Variants in FGF12 observed in about 807,000 individuals in gnomAD.
FGF12 encodes the protein fibroblast growth factor 12, also known as fibroblast growth factor 12B.
A neutral mutation model predicts 23.6 loss-of-function variants in FGF12; 14 were observed. That is an observed-to-expected ratio of 0.59 (90% CI 0.39 to 0.93). The LOEUF (loss-of-function observed/expected upper bound fraction) is 0.93. Ranked by LOEUF, FGF12 falls within the 40% of genes least tolerant of loss-of-function variation. The pLI is 0.00. For synonymous variants in FGF12, 62 were observed against 77.3 expected, an observed-to-expected ratio of 0.80 and a Z score of 1.04; for missense variants, 175 against 217.8, an observed-to-expected ratio of 0.80 and a Z score of 1.24.
chr3:192,431,761 T>C (rs1451979679), intron 2 of FGF12, among the ~76,000 whole-genome samples: 1 of 152,184 alleles, frequency 6.6e-6, no homozygotes, highest in Non-Finnish European at 1.5e-5. Flanking sequence ...AGAAATGTTG[T>C]TGAAATACTA....
intron 5 of FGF12, 43 bp downstream of exon 5, chr3:192,170,414 CA>C: frequency 6.5e-7 from 1 of 1,541,032 alleles, no homozygotes; most frequent in Non-Finnish European, 8.9e-7. Flanking sequence ...TTGATGTCAA[CA>C]CACAGATAAG....
rs1458747636 is a variant in FGF12, at chr3:192,567,749, C to CTTTCTTTCTT, written c.13+159422_13+159431dup. Among the ~76,000 whole-genome samples the CTTTCTTTCTT allele has an allele frequency of 8.5e-4, 104 of 122,226 alleles. 1 individual carries two copies. The highest frequency in any genetic ancestry group is 3.0e-3 in the African/African-American group (101 of 33,656). 80.2% of individuals were successfully genotyped at this position (122,226 alleles called of 152,430 possible). A position where few individuals can be genotyped will look rare whatever the true frequency, so the allele number is the denominator to read the frequency against. ...TCTCCATGTGTCTCTTTCTTTCTTT[C>CTTTCTTTCTT]TTTCTTTCTTTCTTTCTTTCTTTCT... On this transcript the variant is annotated intron_variant, in intron 2 of 5. Transcript: ENST00000445105.
Position 192,409,892 on chromosome 3 carries a change from G to T in FGF12, c.14-49354C>A, listed in dbSNP as rs1240329148. Among the ~76,000 whole-genome samples, 2 of 151,712 alleles carry T rather than the reference G, an allele frequency of 1.3e-5. No individual in the cohort carries two copies. Among genetic ancestry groups the T allele is most frequent in the East Asian group, 3.9e-4 (2 of 5,068 alleles). On this transcript the variant is annotated intron_variant, in intron 2 of 5. Coordinates refer to ENST00000445105, the MANE Select transcript of FGF12 (RefSeq NM_004113.6). The surrounding 1 kb of genome is among the most constrained non-coding windows in gnomAD (Gnocchi z 4.8). ...GGTGGCCGCTCAGAGCCGCGGGCTTGCGGGGCGCCCCCCGCCGCCGCGCCG... is the reference window on the plus strand; with the variant it reads ...GGTGGCCGCTCAGAGCCGCGGGCTTTCGGGGCGCCCCCCGCCGCCGCGCCG...
intron 2 of FGF12, among the ~76,000 whole-genome samples, chr3:192,536,249 A>C (rs958240404): frequency 2.6e-5 from 4 of 152,198 alleles, no homozygotes; most frequent in African/African-American, 9.7e-5. Flanking sequence ...TGATTGTGAC[A>C]AAGGCTATAT....
chr3:192,367,899 C>T (rs1208228792), intron 2 of FGF12, among the ~76,000 whole-genome samples: 1 of 152,116 alleles, frequency 6.6e-6, no homozygotes, highest in Non-Finnish European at 1.5e-5. Context: ...TGCTGAGGGC[C>T]GTGAATCAAC....
chr3:192,726,997 T>A, intron 2 of FGF12, 184 bp downstream of exon 2: 1 of 694,738 alleles, frequency 1.4e-6, no homozygotes, highest in Non-Finnish European at 2.5e-6. Flanking sequence ...TCTTCCAAGC[T>A]GTGGGAGTTA....
intron 2 of FGF12, among the ~76,000 whole-genome samples, chr3:192,579,066 C>T (rs1439425761): frequency 6.6e-6 from 1 of 152,116 alleles, no homozygotes; most frequent in South Asian, 2.1e-4. Flanking sequence ...TAATGATTTT[C>T]ACTAGTTCTT....
chr3:192,690,704 C>T (rs925509314), intron 2 of FGF12, among the ~76,000 whole-genome samples: 1 of 151,332 alleles, frequency 6.6e-6, no homozygotes, highest in Non-Finnish European at 1.5e-5. Flanking sequence ...CCTTATCTAT[C>T]AATAATTACT....
At chr3:192,613,336 G>T (rs985068973) in intron 2 of FGF12, among the ~76,000 whole-genome samples, 3 of 151,762 alleles carry the variant, frequency 2.0e-5, no homozygotes, top group Non-Finnish European at 4.4e-5. Flanking sequence ...AGAGGAAATT[G>T]TAACAGACAA....
chr3:192,177,178 C>T lies in FGF12; in HGVS notation c.229-6522G>A, dbSNP rs116231691. 5.4e-3 allele frequency among the ~76,000 whole-genome samples: 830 copies of T among 152,294 alleles called. 8 individuals carry two copies. Among genetic ancestry groups the T allele is most frequent in the African/African-American group, 0.019 (806 of 41,572 alleles). ...ACAATTTTCTCCCTGACCTTTGGCA[C>T]GCCAGTTAACCTCTCTGAGCCTCAA... On this transcript the variant is annotated intron_variant, in intron 4 of 5. Coordinates refer to ENST00000445105, the MANE Select transcript of FGF12 (RefSeq NM_004113.6).
At chr3:192,562,052 A>G (rs192352345) in intron 2 of FGF12, among the ~76,000 whole-genome samples, 4 of 152,338 alleles carry the variant, frequency 2.6e-5, no homozygotes, top group African/African-American at 9.6e-5. Flanking sequence ...TACTTAGACA[A>G]TAGACCTTAT....
At chr3:192,681,923 A>C (rs977241947) in intron 2 of FGF12, among the ~76,000 whole-genome samples, 5 of 152,190 alleles carry the variant, frequency 3.3e-5, no homozygotes, top group African/African-American at 1.2e-4. Flanking sequence ...AAAAACACAC[A>C]TACAATGTTT....
intron 2 of FGF12, among the ~76,000 whole-genome samples, chr3:192,482,320 G>T (rs1356014597): frequency 6.6e-6 from 1 of 152,100 alleles, no homozygotes; most frequent in East Asian, 1.9e-4. Context: ...ACAGAGAAGA[G>T]AACAGGTACC....
At chr3:192,470,997 TTTA>T (rs1172672912) in intron 2 of FGF12, among the ~76,000 whole-genome samples, 18 of 152,140 alleles carry the variant, frequency 1.2e-4, no homozygotes, top group African/African-American at 4.1e-4. Context: ...TCCTCCACCC[TTTA>T]TTATCCCCAG....
intron 3 of FGF12, among the ~76,000 whole-genome samples, chr3:192,352,007 G>T (rs1022548156): frequency 2.0e-5 from 3 of 151,934 alleles, no homozygotes; most frequent in African/African-American, 7.3e-5. Flanking sequence ...TGTGATACAG[G>T]CTTACCTATA....
At chr3:192,523,141 T>C (rs1024836101) in intron 2 of FGF12, among the ~76,000 whole-genome samples, 11 of 152,172 alleles carry the variant, frequency 7.2e-5, no homozygotes, top group African/African-American at 2.4e-4. Flanking sequence ...AAATCCAGAA[T>C]GTGAAGGAGA....
At chr3:192,167,767 ATAAAATTTTTTTT>A (rs1371954560) in intron 5 of FGF12, among the ~76,000 whole-genome samples, 9 of 29,344 alleles carry the variant, frequency 3.1e-4, no homozygotes, top group East Asian at 1.1e-3. Flanking sequence ...ATATATATAT[ATAAAATTTTTTTT>A]TTTTTTTTTT....
chr3:192,482,010 T>C (rs867778960), intron 2 of FGF12, among the ~76,000 whole-genome samples: 6 of 152,158 alleles, frequency 3.9e-5, no homozygotes, highest in Middle Eastern at 3.2e-3. Flanking sequence ...AGATGATTTT[T>C]AGGAATAGTA....
intron 2 of FGF12, among the ~76,000 whole-genome samples, chr3:192,670,339 G>T (rs1308648116): frequency 1.3e-5 from 2 of 151,450 alleles, no homozygotes; most frequent in African/African-American, 4.9e-5. Flanking sequence ...AACTATTTTT[G>T]CATTCCTCAG....
Sources: allele counts gnomAD v4.1 joint callset (sites outside exome capture counted in the v4.1 genomes callset), GRCh38; gene constraint gnomAD v4.1.1; non-coding constraint Gnocchi (gnomAD v3.1); transcripts MANE v1.5; gene names NCBI Gene and HGNC (gene_info 2026-07-23, HGNC 2026-07-21).